Variants in MGMT observed in about 807,000 individuals in gnomAD.
The protein encoded by MGMT is O-6-methylguanine-DNA methyltransferase.
MGMT carries 14 observed loss-of-function variants against 15.9 expected under a neutral mutation model. The ratio of observed to expected loss-of-function variants is 0.88; its 90% CI spans 0.58 to 1.37. The LOEUF (loss-of-function observed/expected upper bound fraction) is 1.37, where lower values mean the gene tolerates loss of function less well. Among genes scored for constraint, MGMT ranks in the 40% most tolerant of loss-of-function variants. The pLI is 0.00. For missense variants in MGMT, 282 were observed against 268.1 expected, an observed-to-expected ratio of 1.05 and a Z score of -0.36; for synonymous variants, 130 against 118.2, an observed-to-expected ratio of 1.10 and a Z score of -0.65.
At position 129,517,135 on chromosome 10, in the gene MGMT, A is replaced by C. The variant is rs57296572; in HGVS notation, c.-12-19106A>C. On this transcript the variant is annotated intron_variant, in intron 1 of 4. Coordinates refer to ENST00000651593, the MANE Select transcript of MGMT (RefSeq NM_002412.5). Reference sequence around the variant, plus strand: ...GAAGAAGGCCTTAGGGACACCTTAGAATGGGAGGAGAGGTCATAGCTGGAG... The same window carrying C: ...GAAGAAGGCCTTAGGGACACCTTAGCATGGGAGGAGAGGTCATAGCTGGAG... Among the ~76,000 whole-genome samples, 4 of 151,876 alleles carry C rather than the reference A, an allele frequency of 2.6e-5. No individual in the cohort carries two copies. The East Asian group carries it at 7.8e-4, about 30-fold the overall frequency.
At chr10:129,564,903 A>G (rs371203030) in intron 2 of MGMT, among the ~76,000 whole-genome samples, 3 of 152,066 alleles carry the variant, frequency 2.0e-5, no homozygotes, top group African/African-American at 7.2e-5. Flanking sequence ...ACCTATGGCC[A>G]CTGCCCTCAG....
chr10:129,680,641 C>T (rs1453592708), intron 2 of MGMT, among the ~76,000 whole-genome samples: 1 of 142,678 alleles, frequency 7.0e-6, no homozygotes, highest in Non-Finnish European at 1.6e-5. Flanking sequence ...AGCATGCTCT[C>T]CCCTGGATCT....
At chr10:129,583,855 T>A (rs190579323) in intron 2 of MGMT, among the ~76,000 whole-genome samples, 1 of 152,162 alleles carries the variant, frequency 6.6e-6, no homozygotes, top group Non-Finnish European at 1.5e-5. Flanking sequence ...TTCGTTTTGT[T>A]TTTTTTGGTG....
At chr10:129,500,509 C>G (rs1361706191) in intron 1 of MGMT, among the ~76,000 whole-genome samples, 1 of 152,154 alleles carries the variant, frequency 6.6e-6, no homozygotes, top group African/African-American at 2.4e-5. Context: ...AATATCATCT[C>G]TCTTCATGGG....
At chr10:129,748,077 C>A (rs1301519287) in intron 3 of MGMT, among the ~76,000 whole-genome samples, 1 of 152,178 alleles carries the variant, frequency 6.6e-6, no homozygotes, top group African/African-American at 2.4e-5. Flanking sequence ...CTTCCCCCAT[C>A]TCCCCTGCGT....
chr10:129,543,278 G>A (rs1004727255), intron 2 of MGMT, among the ~76,000 whole-genome samples: 3 of 152,038 alleles, frequency 2.0e-5, no homozygotes, highest in Non-Finnish European at 2.9e-5. Context: ...AAACCCTGCC[G>A]TTGTGTGATA....
At chr10:129,654,702 A>C (rs748647512) in intron 2 of MGMT, among the ~76,000 whole-genome samples, 4 of 151,928 alleles carry the variant, frequency 2.6e-5, no homozygotes, top group Non-Finnish European at 5.9e-5. Context: ...TTGAGGTATG[A>C]GGAAGGTGGC....
chr10:129,744,447 G>A (rs140713407), intron 3 of MGMT, among the ~76,000 whole-genome samples: 8 of 152,354 alleles, frequency 5.3e-5, no homozygotes, highest in African/African-American at 1.9e-4. Flanking sequence ...GATGTCAGGG[G>A]CTGTTCCTTC....
chr10:129,482,049 TTCTC>T (rs1305470982), intron 1 of MGMT, among the ~76,000 whole-genome samples: 2 of 152,208 alleles, frequency 1.3e-5, no homozygotes, highest in African/African-American at 4.8e-5. Context: ...ATGCTAAAAA[TTCTC>T]TCTAAGCACT....
intron 2 of MGMT, among the ~76,000 whole-genome samples, chr10:129,652,212 G>A (rs1215447008): frequency 3.9e-5 from 6 of 152,236 alleles, no homozygotes; most frequent in Admixed American, 3.9e-4. Flanking sequence ...CACTCGGGGG[G>A]CCGGCCATGC....
chr10:129,524,383 G>T (rs999570201), intron 1 of MGMT, among the ~76,000 whole-genome samples: 2 of 152,110 alleles, frequency 1.3e-5, no homozygotes, highest in African/African-American at 4.8e-5. Flanking sequence ...CTGTGGACGT[G>T]TCTCCCAGCT....
chr10:129,505,514 T>C (rs1845616434), intron 1 of MGMT, among the ~76,000 whole-genome samples: 1 of 152,228 alleles, frequency 6.6e-6, no homozygotes, highest in African/African-American at 2.4e-5. Context: ...ATCATGGAGC[T>C]CAGATAGATA....
At chr10:129,685,291 T>G (rs1366600836) in intron 2 of MGMT, among the ~76,000 whole-genome samples, 1 of 152,242 alleles carries the variant, frequency 6.6e-6, no homozygotes, top group Non-Finnish European at 1.5e-5. Flanking sequence ...TTACTGATGA[T>G]CAAGTACAGA....
intron 2 of MGMT, among the ~76,000 whole-genome samples, chr10:129,680,040 C>A (rs1403215688): frequency 1.3e-5 from 2 of 152,186 alleles, no homozygotes; most frequent in African/African-American, 4.8e-5. Context: ...GAAAGACAGG[C>A]GAGTGCTGTA....
intron 3 of MGMT, among the ~76,000 whole-genome samples, chr10:129,744,498 G>T (rs902747542): frequency 2.6e-5 from 4 of 152,226 alleles, no homozygotes; most frequent in African/African-American, 9.6e-5. Flanking sequence ...GTGAAGCTGG[G>T]CGCACCTCCT....
intron 2 of MGMT, among the ~76,000 whole-genome samples, chr10:129,630,034 G>T (rs1454775477): frequency 1.3e-5 from 2 of 152,260 alleles, no homozygotes; most frequent in Non-Finnish European, 2.9e-5. Context: ...AGAACGTCAG[G>T]TGGAAGCGGT....
intron 3 of MGMT, among the ~76,000 whole-genome samples, chr10:129,724,786 A>G (rs1465792162): frequency 5.9e-5 from 9 of 152,238 alleles, no homozygotes; most frequent in Non-Finnish European, 1.0e-4. Flanking sequence ...TTCCAACTCT[A>G]TGTGGCTGGG....
intron 3 of MGMT, among the ~76,000 whole-genome samples, chr10:129,708,937 G>A (rs1399686652): frequency 6.6e-6 from 1 of 152,186 alleles, no homozygotes; most frequent in Non-Finnish European, 1.5e-5. Context: ...CTTGAAAATG[G>A]AGAGAACTTT....
intron 2 of MGMT, among the ~76,000 whole-genome samples, chr10:129,594,468 A>G (rs1424665254): frequency 6.6e-6 from 1 of 152,228 alleles, no homozygotes; most frequent in African/African-American, 2.4e-5. Context: ...GAAACCTTGA[A>G]TTACTCTAGC....
Sources: allele counts gnomAD v4.1 joint callset (sites outside exome capture counted in the v4.1 genomes callset), GRCh38; gene constraint gnomAD v4.1.1; transcripts MANE v1.5; gene names NCBI Gene and HGNC (gene_info 2026-07-23, HGNC 2026-07-21).